The following EPM2A variants were observed in gnomAD, a reference collection of about 807,000 sequenced individuals.
EPM2A encodes EPM2A glucan phosphatase, laforin, also known as laforin.
In EPM2A, 21 loss-of-function variants were observed where a neutral mutation model predicts 26.5. That is an observed-to-expected ratio of 0.79 (90% CI 0.56 to 1.14). EPM2A has a LOEUF of 1.14. Among genes scored for constraint, EPM2A ranks in the 50% most tolerant of loss-of-function variants. EPM2A has a pLI of 0.00. For synonymous variants in EPM2A, 217 were observed against 177.6 expected (o/e 1.22, Z -1.76); for missense variants, 458 against 440.8 (o/e 1.04, Z -0.35).
intron 1 of EPM2A, among the ~76,000 whole-genome samples, chr6:145,692,287 C>A (rs1218151120): frequency 6.6e-6 from 1 of 151,890 alleles, no homozygotes; most frequent in Non-Finnish European, 1.5e-5. Flanking sequence ...CTCAACACCT[C>A]ACCCAAAACA....
At chr6:145,445,476 C>T (rs115953243) in intron 4 of EPM2A, among the ~76,000 whole-genome samples, 8,479 of 152,094 alleles carry the variant, frequency 0.056, 786 homozygotes, top group African/African-American at 0.19. Context: ...AGAATCTAGG[C>T]TATAATTTTC....
At chr6:145,476,740 G>A (rs1387278144) in intron 4 of EPM2A, among the ~76,000 whole-genome samples, 2 of 151,914 alleles carry the variant, frequency 1.3e-5, no homozygotes, top group African/African-American at 4.8e-5. Context: ...ACGGAAAAAT[G>A]TCATGAAACA....
chr6:145,473,690 T>C (rs965874587), intron 4 of EPM2A, among the ~76,000 whole-genome samples: 1 of 152,096 alleles, frequency 6.6e-6, no homozygotes, highest in Admixed American at 6.6e-5. Context: ...TAATATATAA[T>C]GGAGCTCCAG....
chr6:145,546,805 A>G (rs1252886125), intron 2 of EPM2A, among the ~76,000 whole-genome samples: 1 of 152,032 alleles, frequency 6.6e-6, no homozygotes, highest in East Asian at 1.9e-4. Context: ...GATTGTATAC[A>G]TTTTTCCTTC....
chr6:145,640,083 G>A (rs1346976450), intron 2 of EPM2A: 2 of 152,178 alleles, frequency 1.3e-5, no homozygotes, highest in African/African-American at 4.8e-5. Context: ...TAATACTACA[G>A]TATTTGTTTC....
At chr6:145,498,439 T>C (rs1779848651), downstream of EPM2A, among the ~76,000 whole-genome samples, 1 of 152,184 alleles carries the variant, frequency 6.6e-6, no homozygotes, top group African/African-American at 2.4e-5. Flanking sequence ...CTCCTGAGAC[T>C]CTGTGCACAC....
chr6:145,664,824 C>A (rs1346318687), intron 2 of EPM2A, among the ~76,000 whole-genome samples: 1 of 152,014 alleles, frequency 6.6e-6, no homozygotes, highest in East Asian at 1.9e-4. Flanking sequence ...TCTCAGACCA[C>A]AGTGCAATCA....
At chr6:145,531,400 C>T (rs976594981) in intron 2 of EPM2A, among the ~76,000 whole-genome samples, 1 of 152,096 alleles carries the variant, frequency 6.6e-6, no homozygotes, top group African/African-American at 2.4e-5. Context: ...TGGGTAAAGA[C>T]CCTGCAACAC....
chr6:145,519,701 C>T (rs945874889), intron 2 of EPM2A, among the ~76,000 whole-genome samples: 2 of 152,032 alleles, frequency 1.3e-5, no homozygotes, highest in Non-Finnish European at 2.9e-5. Context: ...TTCGAGAAAC[C>T]CTTCAGACTT....
In EPM2A at chr6:145,627,381, G is replaced by C. The variant is rs1246671891; in HGVS notation, c.*35C>G. On this transcript the variant is annotated 3_prime_UTR_variant, in exon 4 of 4. Coordinates refer to ENST00000367519, the MANE Select transcript of EPM2A (RefSeq NM_005670.4). ...GACCAACATCATCCCAGGCTCCTTA[G>C]GGAAATCAGGAGGGGGCAGAAGCAG... The C allele has an allele frequency of 6.2e-7, 1 of 1,613,054 alleles. No homozygotes were observed. The highest frequency in any genetic ancestry group is 8.5e-7 in the Non-Finnish European group (1 of 1,180,022).
chr6:145,581,017 C>A (rs941342205), intron 2 of EPM2A, among the ~76,000 whole-genome samples: 1 of 152,036 alleles, frequency 6.6e-6, no homozygotes, highest in Non-Finnish European at 1.5e-5. Flanking sequence ...GATTTATATT[C>A]CTTTGGGTAT....
At chr6:145,444,480 G>A (rs530779408) in intron 4 of EPM2A, among the ~76,000 whole-genome samples, 1 of 152,282 alleles carries the variant, frequency 6.6e-6, no homozygotes, top group South Asian at 2.1e-4. Flanking sequence ...GCTGTACTCA[G>A]TTTGCTAATA....
intron 1 of EPM2A, among the ~76,000 whole-genome samples, chr6:145,710,268 C>T (rs996246605): frequency 1.8e-4 from 27 of 151,880 alleles, no homozygotes; most frequent in African/African-American, 5.6e-4. Context: ...AATAAATTTA[C>T]AAGAAAAAAA....
intron 4 of EPM2A, among the ~76,000 whole-genome samples, chr6:145,389,022 C>T (rs1037102541): frequency 6.6e-6 from 1 of 152,068 alleles, no homozygotes; most frequent in Non-Finnish European, 1.5e-5. Flanking sequence ...CCTTTATATA[C>T]TCAGTAATGA....
rs1198951613 is a variant in EPM2A, at chr6:145,686,230, C to A, written c.368G>T (p.Cys123Phe). 4 of 1,613,700 alleles carry A rather than the reference C, an allele frequency of 2.5e-6. No homozygotes were observed. Among genetic ancestry groups the A allele is most frequent in the Non-Finnish European group, 3.4e-6 (4 of 1,179,722 alleles). ...CTCAATCCAGTGTCCTATTGGGAGA[C>A]AATACACACCATCCACCAAGTTGTT... Reference protein sequence around the residue: ...NENNLVDGVYCLPIGHWIEAT... With the variant: ...NENNLVDGVYFLPIGHWIEAT... The change falls in exon 2 of 4, where the codon TGT becomes TTT. Residue 123 changes from cysteine (C) to phenylalanine (F), a missense_variant. By Grantham distance (205) the Cys-to-Phe change is radical. Coordinates refer to ENST00000367519, the MANE Select transcript of EPM2A (RefSeq NM_005670.4).
intron 2 of EPM2A, among the ~76,000 whole-genome samples, chr6:145,665,934 T>G (rs1459086596): frequency 6.6e-6 from 1 of 151,040 alleles, no homozygotes; most frequent in African/African-American, 2.4e-5. Context: ...TCTCAATAGA[T>G]GCAGAAAAAG....
At chr6:145,416,154 G>T (rs1443576354) in intron 4 of EPM2A, among the ~76,000 whole-genome samples, 3 of 151,990 alleles carry the variant, frequency 2.0e-5, no homozygotes, top group Non-Finnish European at 2.9e-5. Context: ...CCAGCTTAGA[G>T]CTCCTAAATG....
intron 2 of EPM2A, among the ~76,000 whole-genome samples, chr6:145,589,243 T>C (rs1781238127): frequency 6.6e-6 from 1 of 152,186 alleles, no homozygotes; most frequent in Admixed American, 6.5e-5. Flanking sequence ...GTGAATGGAT[T>C]AGAGCTACTT....
At chr6:145,485,704 C>T (rs965505340) in intron 4 of EPM2A, among the ~76,000 whole-genome samples, 1 of 152,126 alleles carries the variant, frequency 6.6e-6, no homozygotes, top group Admixed American at 6.6e-5. Context: ...ATGTATTAGT[C>T]TGTTTTCATG....
Sources: allele counts gnomAD v4.1 joint callset (sites outside exome capture counted in the v4.1 genomes callset), GRCh38; gene constraint gnomAD v4.1.1; transcripts MANE v1.5; gene names NCBI Gene and HGNC (gene_info 2026-07-23, HGNC 2026-07-21).